Variants in ERBB4 observed in about 807,000 individuals in gnomAD.
ERBB4 encodes erb-b2 receptor tyrosine kinase 4, also known as receptor tyrosine-protein kinase erbB-4.
Under a neutral mutation model 158.0 loss-of-function variants are expected in ERBB4, and 42 were observed. The observed-to-expected ratio is 0.27, with a 90% confidence interval of 0.21 to 0.34. ERBB4 has a LOEUF of 0.34. ERBB4 is among the 10% of genes least tolerant of loss of function. The probability of loss-of-function intolerance (pLI) is 1.00; values close to 1 mark genes in which losing one functional copy is unlikely to be tolerated. For missense variants in ERBB4, 1,333 were observed against 1,624.1 expected, an observed-to-expected ratio of 0.82 and a Z score of 3.08; for synonymous variants, 583 against 558.7, an observed-to-expected ratio of 1.04 and a Z score of -0.61.
chr2:211,444,127 T>C (rs1326765179), intron 20 of ERBB4, among the ~76,000 whole-genome samples: 1 of 113,594 alleles, frequency 8.8e-6, no homozygotes, highest in African/African-American at 3.6e-5. Context: ...TATACTTTCA[T>C]TTCTGTGTAT....
chr2:211,951,997 T>C (rs951836968), intron 2 of ERBB4, among the ~76,000 whole-genome samples: 3 of 151,966 alleles, frequency 2.0e-5, no homozygotes, highest in African/African-American at 4.8e-5. Flanking sequence ...AGAAAAATAA[T>C]GTAAATAATA....
At chr2:212,210,213 CAAAA>C (rs58137267) in intron 1 of ERBB4, among the ~76,000 whole-genome samples, 79,835 of 135,686 alleles carry the variant, frequency 0.59, 22,731 homozygotes, top group East Asian at 0.77. Context: ...AATGCTAGTG[CAAAA>C]AAAAAAAAAA....
chr2:211,390,959 G>A (rs901149791), intron 25 of ERBB4, among the ~76,000 whole-genome samples: 1 of 152,034 alleles, frequency 6.6e-6, no homozygotes, highest in African/African-American at 2.4e-5. Flanking sequence ...ATGATAAAAA[G>A]CACCTCATTC....
At chr2:211,497,786 T>C (rs977320568) in intron 20 of ERBB4, among the ~76,000 whole-genome samples, 2 of 152,004 alleles carry the variant, frequency 1.3e-5, no homozygotes, top group African/African-American at 4.8e-5. Flanking sequence ...AAAAAGTAAA[T>C]AAAATATACC....
chr2:212,405,640 G>C (rs1025603171), intron 1 of ERBB4, among the ~76,000 whole-genome samples: 1 of 152,114 alleles, frequency 6.6e-6, no homozygotes, highest in African/African-American at 2.4e-5. Context: ...AGATCTGAAA[G>C]AGGTGAGGAT....
At chr2:211,550,488 G>T (rs2067057852) in intron 20 of ERBB4, among the ~76,000 whole-genome samples, 1 of 150,592 alleles carries the variant, frequency 6.6e-6, no homozygotes, top group Non-Finnish European at 1.5e-5. Flanking sequence ...TTGTCTTTCA[G>T]CTTCTGGCTT....
chr2:211,403,047 T>C (rs764572549), intron 25 of ERBB4, among the ~76,000 whole-genome samples: 28 of 152,060 alleles, frequency 1.8e-4, no homozygotes, highest in Non-Finnish European at 3.1e-4. Context: ...TTATAAAATT[T>C]GCAAAAGTAA....
intron 20 of ERBB4, among the ~76,000 whole-genome samples, chr2:211,488,025 T>A (rs2065249499): frequency 6.6e-6 from 1 of 151,882 alleles, no homozygotes; most frequent in Non-Finnish European, 1.5e-5. Context: ...GGAAAAAAAA[T>A]TAACACTCAT....
intron 20 of ERBB4, among the ~76,000 whole-genome samples, chr2:211,436,147 G>A (rs1314695630): frequency 2.0e-5 from 3 of 152,092 alleles, no homozygotes; most frequent in Non-Finnish European, 4.4e-5. Flanking sequence ...GCTTTAAAAG[G>A]CACTAGTACT....
intron 2 of ERBB4, among the ~76,000 whole-genome samples, chr2:212,004,179 T>C (rs1021405608): frequency 6.6e-6 from 1 of 152,178 alleles, no homozygotes; most frequent in Non-Finnish European, 1.5e-5. Flanking sequence ...GCTAAAAAAA[T>C]TGTATCAAGG....
chr2:211,782,998 T>C, intron 4 of ERBB4, among the ~76,000 whole-genome samples: 1 of 142,652 alleles, frequency 7.0e-6, no homozygotes, highest in East Asian at 2.0e-4. Flanking sequence ...ATCCTTCCTA[T>C]CCATGAGCGT....
At chr2:211,930,668 T>C (rs758709218) in intron 3 of ERBB4, among the ~76,000 whole-genome samples, 2 of 152,108 alleles carry the variant, frequency 1.3e-5, no homozygotes, top group Non-Finnish European at 2.9e-5. Flanking sequence ...TCTTTAGAAG[T>C]TCAAGTTTTC....
chr2:212,112,318 C>T (rs1249252855), intron 2 of ERBB4, among the ~76,000 whole-genome samples: 2 of 152,114 alleles, frequency 1.3e-5, no homozygotes, highest in South Asian at 2.1e-4. Context: ...CTCAAGTTCT[C>T]GGTACAGTTT....
intron 20 of ERBB4, among the ~76,000 whole-genome samples, chr2:211,489,494 T>C (rs1183815262): frequency 6.6e-6 from 1 of 152,070 alleles, no homozygotes; most frequent in East Asian, 1.9e-4. Flanking sequence ...ATGCTGGCTA[T>C]TATAGTTATT....
rs145276630 is a variant in ERBB4 at position 211,914,835 on chromosome 2, T to C, written c.421+32595A>G. Among the ~76,000 whole-genome samples, 492 of 152,254 alleles carry C rather than the reference T, an allele frequency of 3.2e-3. 4 individuals carry two copies. The highest frequency in any genetic ancestry group is 0.011 in the African/African-American group (471 of 41,564). On this transcript the variant is annotated intron_variant, in intron 3 of 27. Transcript: ENST00000342788. ...TAAGTATTTATTCTTATCAATATTA[T>C]TGGTTGATATTATTACTATGTATAT...
intron 25 of ERBB4, among the ~76,000 whole-genome samples, chr2:211,389,934 C>G (rs148928995): frequency 6.6e-6 from 1 of 152,190 alleles, no homozygotes; most frequent in Non-Finnish European, 1.5e-5. Flanking sequence ...GATGCCAAAG[C>G]TACTCATCAG....
chr2:211,775,372 G>A (rs1268173015), intron 4 of ERBB4, among the ~76,000 whole-genome samples: 1 of 152,114 alleles, frequency 6.6e-6, no homozygotes, highest in East Asian at 1.9e-4. Flanking sequence ...CTTTTTTAGT[G>A]CTTGATATAG....
intron 1 of ERBB4, among the ~76,000 whole-genome samples, chr2:212,187,565 A>G (rs1222548712): frequency 1.3e-5 from 2 of 152,106 alleles, no homozygotes; most frequent in African/African-American, 4.8e-5. Flanking sequence ...AGAAAATACA[A>G]AAGTAAATTT....
At chr2:212,003,763 T>C (rs757998224) in intron 2 of ERBB4, among the ~76,000 whole-genome samples, 9 of 152,182 alleles carry the variant, frequency 5.9e-5, no homozygotes, top group Non-Finnish European at 1.3e-4. Context: ...AATGTTCCCA[T>C]GATTGATAGG....
Sources: gnomAD v4.1 joint callset for allele counts (sites outside exome capture counted in the v4.1 genomes callset) on GRCh38, gnomAD v4.1.1 for gene constraint, MANE v1.5 for transcripts, NCBI Gene and HGNC (gene_info 2026-07-23, HGNC 2026-07-21) for gene names.